The following SELENON variants were observed in gnomAD, a reference collection of about 807,000 sequenced individuals.
The protein encoded by SELENON is selenoprotein N, 1.
A neutral mutation model predicts 59.5 loss-of-function variants in SELENON; 44 were observed. That is an observed-to-expected ratio of 0.74 (90% confidence interval 0.58 to 0.95). The LOEUF (loss-of-function observed/expected upper bound fraction) is 0.95, where lower values mean the gene tolerates loss of function less well. SELENON is among the 40% of genes least tolerant of loss of function. The pLI is 0.00. For missense variants in SELENON, 674 were observed against 721.4 expected (o/e 0.93, Z 0.75); for synonymous variants, 320 against 305.6 (o/e 1.05, Z -0.49).
chr1:25,801,932 T>C (rs993239823), intron 2 of SELENON: 1 of 214,578 alleles, frequency 4.7e-6, no homozygotes, highest in Non-Finnish European at 9.8e-6. Flanking sequence ...CAGGTTTCAG[T>C]AGAGAAAAGA....
Position 25,815,745 on chromosome 1 carries a change from G to A in SELENON, c.*27G>A, listed in dbSNP as rs763829571. 6.2e-6 allele frequency: 10 copies of A among 1,611,530 alleles called. No individual in the cohort carries two copies. The highest frequency in any genetic ancestry group is 3.3e-5 in the Admixed American group (2 of 59,986). ...GTGCCTGGACGGGATCTGATGCACA[G>A]GCCCCCACGCCTCAGAGCCAGAGTG... On this transcript the variant is annotated 3_prime_UTR_variant, in exon 13 of 13. Coordinates refer to ENST00000361547, the MANE Select transcript of SELENON (RefSeq NM_020451.3).
intron 4 of SELENON, 94 bp from the exon 4 acceptor site, chr1:25,808,486 G>C (rs553030963): frequency 2.8e-6 from 4 of 1,453,952 alleles, no homozygotes; most frequent in Middle Eastern, 2.4e-4. Flanking sequence ...GTGTGGGCTG[G>C]CTCGGGGCTT....
chr1:25,805,401 G>A (rs1266343471), intron 4 of SELENON, 126 bp downstream of exon 3: 1 of 1,317,722 alleles, frequency 7.6e-7, no homozygotes, highest in Non-Finnish European at 1.1e-6. Flanking sequence ...AGGTCCATGT[G>A]CGGTGATGTT....
In SELENON at chr1:25,813,999, C is replaced by CGGGCAGG; in HGVS notation, c.1500+7_1500+13dup. On this transcript the variant is annotated splice_region_variant and intron_variant, in intron 11 of 12. Coordinates refer to ENST00000361547, the MANE Select transcript of SELENON (RefSeq NM_020451.3). The stretch of plus-strand genomic sequence containing the variant: ...AGGAGCTGGAGGAACTGCAGGTGAG[C>CGGGCAGG]GGGCAGGTGGCAGGAACAGGAGCGT... 4 of 1,612,960 alleles carry CGGGCAGG rather than the reference C, an allele frequency of 2.5e-6. No individual in the cohort carries two copies. The South Asian group carries it at 4.4e-5, about 18-fold the overall frequency.
rs6872 is a variant in SELENON at position 25,818,183 on chromosome 1, G to A, written c.*2465G>A. The A allele has an allele frequency of 0.17, 25,433 of 152,300 alleles. 2,628 individuals are homozygous for A. The highest frequency in any genetic ancestry group is 0.32 in the East Asian group (1,679 of 5,172). The allele number at this position is 152,300 out of a possible 1,614,324, so 9.4% of individuals were successfully genotyped here. A position where few individuals can be genotyped will look rare whatever the true frequency, so the allele number is the denominator to read the frequency against. On this transcript the variant is annotated 3_prime_UTR_variant, in exon 13 of 13. Coordinates refer to ENST00000361547, the MANE Select transcript of SELENON (RefSeq NM_020451.3). The stretch of plus-strand genomic sequence containing the variant: ...CACTCCTCTAACACTTCCCTCCCCT[G>A]TCCCCAACATGCCCTGTAATAAAAT...
Position 25,809,962 on chromosome 1 carries a change from G to C in SELENON, c.1010+142G>C, listed in dbSNP as rs866910027. The C allele has an allele frequency of 1.3e-4, 135 of 1,028,574 alleles. No individual in the cohort carries two copies. The African/African-American group carries it at 1.8e-3, about 14-fold the overall frequency. The allele number at this position is 1,028,574 out of a possible 1,614,324, so 63.7% of individuals were successfully genotyped here. A position where few individuals can be genotyped will look rare whatever the true frequency, so the allele number is the denominator to read the frequency against. On this transcript the variant is annotated intron_variant, in intron 7 of 12. Coordinates refer to ENST00000361547, the MANE Select transcript of SELENON (RefSeq NM_020451.3). ...ATCTCATGGGGCTGACGTGGCAGGA[G>C]GCGGCATGAGGCAGGCAAGAGAATG...
At chr1:25,814,573 C>G (rs1161601867) in intron 12 of SELENON, among the ~76,000 whole-genome samples, 8 of 152,170 alleles carry the variant, frequency 5.3e-5, no homozygotes, top group Admixed American at 5.2e-4. Context: ...CCCCACCTCT[C>G]CCTAAGGGCC....
Position 25,809,692 on chromosome 1 carries a change from C to T in SELENON, c.882C>T (p.Ala294=), listed in dbSNP as rs201631363. The stretch of plus-strand genomic sequence containing the variant: ...ATCCCCTTCCCCACAGGATCCATGC[C>T]GAGTTCCAGCTCAGTGAGCCGCCCG... Residue 294 remains alanine, a synonymous_variant, in exon 7 of 13, where the codon GCC becomes GCT. Coordinates refer to ENST00000361547, the MANE Select transcript of SELENON (RefSeq NM_020451.3). The T allele has an allele frequency of 1.5e-5, 24 of 1,613,990 alleles. 1 individual carries two copies. The Admixed American group carries it at 2.3e-4, about 16-fold the overall frequency.
rs59333545 is a variant in SELENON at position 25,812,564 on chromosome 1, AACACACACACACACACACACAC to A, written c.1282-102_1282-81del. Reference sequence around the variant, plus strand: ...ACACAAATATATATGCCTACACACAAACACACACACACACACACACACACACACACACACACACACACTTGCA... The same window carrying A: ...ACACAAATATATATGCCTACACACAAACACACACACACACACACACTTGCA... On this transcript the variant is annotated intron_variant, in intron 9 of 12. Coordinates refer to ENST00000361547, the MANE Select transcript of SELENON (RefSeq NM_020451.3). 36 of 574,510 alleles carry A rather than the reference AACACACACACACACACACACAC, an allele frequency of 6.3e-5. No individual in the cohort carries two copies. In the East Asian group the frequency reaches 6.5e-4, roughly 10 times the overall value. 35.6% of individuals were successfully genotyped at this position (574,510 alleles called of 1,614,324 possible). A position where few individuals can be genotyped will look rare whatever the true frequency, so the allele number is the denominator to read the frequency against.
intron 6 of SELENON, 148 bp downstream of exon 5, chr1:25,809,298 T>G: frequency 8.0e-7 from 1 of 1,253,738 alleles, no homozygotes; most frequent in Non-Finnish European, 1.1e-6. Flanking sequence ...GAGCCTCAGT[T>G]TTCTCACCTG....
intron 1 of SELENON, 107 bp from the exon 2 acceptor site, chr1:25,800,936 T>C (rs2047855231): frequency 3.3e-6 from 3 of 919,530 alleles, no homozygotes; most frequent in Middle Eastern, 2.2e-4. Context: ...CTGGGAGAGC[T>C]CAGGAAGATG....
At chr1:25,808,969 G>A in intron 5 of SELENON, 57 bp from the exon 5 acceptor site, 2 of 1,612,416 alleles carry the variant, frequency 1.2e-6, no homozygotes, top group Non-Finnish European at 1.7e-6. Flanking sequence ...CCCCACCCCA[G>A]CGGATCCAGG....
chr1:25,802,636 G>A (rs998337286), intron 3 of SELENON, among the ~76,000 whole-genome samples: 24 of 152,204 alleles, frequency 1.6e-4, no homozygotes, highest in Admixed American at 1.5e-3. Flanking sequence ...GATTACAGGC[G>A]TGAGCCACTG....
intron 9 of SELENON, among the ~76,000 whole-genome samples, chr1:25,812,448 C>T (rs2047969812): frequency 7.3e-6 from 1 of 137,344 alleles, no homozygotes; most frequent in East Asian, 2.2e-4. Context: ...CAAACACACA[C>T]ACTAACATAT....
In SELENON at chr1:25,808,677, C is replaced by A; in HGVS notation, c.635C>A (p.Pro212Gln). Reference sequence around the variant, plus strand: ...CGCCACTTCCAGCCCTTCCTTCCCCCGCCAGGCCAGGAGCTGGGTGAGCCC... The same window carrying A: ...CGCCACTTCCAGCCCTTCCTTCCCCAGCCAGGCCAGGAGCTGGGTGAGCCC... Residue 212 changes from proline (P) to glutamine (Q), a missense_variant, in exon 5 of 13, where the codon CCG becomes CAG. By Grantham distance (76) the Pro-to-Gln change is moderately conservative. Transcript: ENST00000361547. The A allele has an allele frequency of 6.2e-7, 1 of 1,614,132 alleles. No individual in the cohort carries two copies. Among genetic ancestry groups the A allele is most frequent in the South Asian group, 1.1e-5 (1 of 91,088 alleles).
intron 9 of SELENON, 83 bp from the exon 9 acceptor site, chr1:25,812,603 AC>A (rs149981880): frequency 2.3e-6 from 2 of 868,700 alleles, no homozygotes; most frequent in Admixed American, 2.0e-5. Flanking sequence ...ACACACACAC[AC>A]ACTTGCACAC....
At chr1:25,805,382 A>G in intron 4 of SELENON, 107 bp downstream of exon 3, 1 of 1,471,138 alleles carries the variant, frequency 6.8e-7, no homozygotes, top group Non-Finnish European at 9.4e-7. Context: ...CACTAGAGCC[A>G]GGCCCTGGAG....
In SELENON at chr1:25,817,429, G is replaced by A. The variant is rs1233617467; in HGVS notation, c.*1711G>A. 1.3e-5 allele frequency: 2 copies of A among 152,246 alleles called. No homozygotes were observed. The highest frequency in any genetic ancestry group is 2.9e-5 in the Non-Finnish European group (2 of 68,072). 9.4% of individuals were successfully genotyped at this position (152,246 alleles called of 1,614,324 possible). A position where few individuals can be genotyped will look rare whatever the true frequency, so the allele number is the denominator to read the frequency against. ...GGGGTTTCACCATATTGGTCAGGCT[G>A]ATCTGGAACTTCTGACCTCAGGTGA... On this transcript the variant is annotated 3_prime_UTR_variant, in exon 13 of 13. Coordinates refer to ENST00000361547, the MANE Select transcript of SELENON (RefSeq NM_020451.3).
At chr1:25,802,357 T>TTTGTTG (rs373319536) in intron 3 of SELENON, among the ~76,000 whole-genome samples, 1 of 151,850 alleles carries the variant, frequency 6.6e-6, no homozygotes, top group Non-Finnish European at 1.5e-5. Context: ...TATTCCATTC[T>TTTGTTG]TTGTTGTTGT....
Sources: gnomAD v4.1 joint callset for allele counts (sites outside exome capture counted in the v4.1 genomes callset) on GRCh38, gnomAD v4.1.1 for gene constraint, MANE v1.5 for transcripts, NCBI Gene and HGNC (gene_info 2026-07-23, HGNC 2026-07-21) for gene names.